SLC48A1: variants seen among roughly 807,000 people sequenced by gnomAD.
SLC48A1 encodes the protein heme transporter HRG1.
Under a neutral mutation model 14.8 loss-of-function variants are expected in SLC48A1, and 6 were observed. That is an observed-to-expected ratio of 0.41 (90% confidence interval 0.22 to 0.80). The LOEUF (loss-of-function observed/expected upper bound fraction) is 0.80, where lower values mean the gene tolerates loss of function less well. SLC48A1 is among the 30% of genes least tolerant of loss of function. The probability of loss-of-function intolerance (pLI) is 0.34; values close to 1 mark genes in which losing one functional copy is unlikely to be tolerated. For missense variants in SLC48A1, 165 were observed against 204.8 expected (o/e 0.81, Z 1.19); for synonymous variants, 89 against 90.0 (o/e 0.99, Z 0.06).
intron 2 of SLC48A1, among the ~76,000 whole-genome samples, chr12:47,764,561 A>T (rs1942469041): frequency 6.6e-6 from 1 of 152,056 alleles, no homozygotes; most frequent in African/African-American, 2.4e-5. Flanking sequence ...TGTCTCTCAG[A>T]CCTGGTCAGT....
At chr12:47,758,614 A>G in exon 1 of SLC48A1, 1 of 1,610,214 alleles carries the variant, frequency 6.2e-7, no homozygotes, top group Non-Finnish European at 8.5e-7. Flanking sequence ...GGGGGTCCCC[A>G]GCGACCCCCA....
In SLC48A1 at chr12:47,779,198, G is replaced by A. The variant is rs1942812580; in HGVS notation, c.304+3G>A. The A allele has an allele frequency of 5.8e-6, 9 of 1,550,496 alleles. No homozygotes were observed. Among genetic ancestry groups the A allele is most frequent in the Non-Finnish European group, 7.9e-6 (9 of 1,146,342 alleles). On this transcript the variant is annotated splice_donor_region_variant and intron_variant, in intron 2 of 2. Coordinates refer to ENST00000442218, the MANE Select transcript of SLC48A1 (RefSeq NM_017842.3). ...GCTGGCCATCACCCGGCATCAGAGT[G>A]AGGGCGGGTCCCAGGGAAAGAGGGC...
Position 47,779,141 on chromosome 12 carries a change from G to A in SLC48A1, c.250G>A (p.Val84Ile), listed in dbSNP as rs567316729. Residue 84 changes from valine to isoleucine, a missense_variant, in exon 2 of 3, where the codon GTC (valine) becomes ATC (isoleucine). Transcript: ENST00000442218. The part of the protein sequence containing the change: ...FFFVGVLFSA[V>I]SIAAFCTFLV... Reference sequence around the variant, plus strand: ...CTTCGTGGGCGTCCTCTTCTCGGCCGTCTCCATCGCTGCCTTCTGCACCTT... The same window carrying A: ...CTTCGTGGGCGTCCTCTTCTCGGCCATCTCCATCGCTGCCTTCTGCACCTT... The A allele has an allele frequency of 6.4e-5, 99 of 1,551,848 alleles. 1 individual carries two copies. In the Middle Eastern group the frequency reaches 1.8e-3, roughly 29 times the overall value.
At chr12:47,755,428 T>C (rs908622861), upstream of SLC48A1, among the ~76,000 whole-genome samples, 8 of 152,002 alleles carry the variant, frequency 5.3e-5, no homozygotes, top group Middle Eastern at 3.2e-3. Context: ...GTTCTCGGAG[T>C]TACAAAACAG....
chr12:47,755,133 G>A (rs1941977633), upstream of SLC48A1, among the ~76,000 whole-genome samples: 1 of 152,170 alleles, frequency 6.6e-6, no homozygotes, highest in South Asian at 2.1e-4. Flanking sequence ...GTGCAGCATG[G>A]TGGTTATGTG....
Position 47,780,322 on chromosome 12 carries a change from A to G in SLC48A1, c.*41A>G. The G allele has an allele frequency of 6.2e-7, 1 of 1,613,962 alleles. No individual in the cohort carries two copies. The highest frequency in any genetic ancestry group is 8.5e-7 in the Non-Finnish European group (1 of 1,179,906). ...CTCTGCACCCTGGGGGGGCCTTAGG[A>G]CCTGGACTCAGCCTCTGAGATGTTG... On this transcript the variant is annotated 3_prime_UTR_variant, in exon 3 of 3. Coordinates refer to ENST00000442218, the MANE Select transcript of SLC48A1 (RefSeq NM_017842.3).
chr12:47,759,587 G>A (rs902592293), intron 1 of SLC48A1, among the ~76,000 whole-genome samples: 1 of 141,258 alleles, frequency 7.1e-6, no homozygotes, highest in African/African-American at 2.6e-5. Flanking sequence ...TGGTGGCCGG[G>A]TAGGTTGAGG....
At chr12:47,755,468 G>A (rs1941998213), upstream of SLC48A1, among the ~76,000 whole-genome samples, 2 of 152,156 alleles carry the variant, frequency 1.3e-5, no homozygotes, top group Admixed American at 6.5e-5. Context: ...GTCACACAAA[G>A]AGAATCATCT....
upstream of SLC48A1, among the ~76,000 whole-genome samples, chr12:47,756,966 T>TAAA (rs112318307): frequency 7.2e-4 from 99 of 136,734 alleles, 1 homozygote; most frequent in African/African-American, 2.5e-3. Flanking sequence ...AGACTCTGGT[T>TAAA]AAAAAAAAAA....
In SLC48A1 at chr12:47,777,216, G is replaced by GGCCCACTCCA. The variant is rs1324517724; in HGVS notation, c.137-1809_137-1800dup. On this transcript the variant is annotated intron_variant, in intron 1 of 2. Transcript: ENST00000442218. This position sits in a 1 kb window ranked among gnomAD's most constrained non-coding sequence, Gnocchi z 4.5. ...CAGGATGATTGTCCTGTCCACCTCTGGCCCACTCCAGCATCCAGACTAGGT... is the reference window on the plus strand; with the variant it reads ...CAGGATGATTGTCCTGTCCACCTCTGGCCCACTCCAGCCCACTCCAGCATCCAGACTAGGT... Among the ~76,000 whole-genome samples, 1 of 152,194 alleles carries GGCCCACTCCA rather than the reference G, an allele frequency of 6.6e-6. No individual in the cohort carries two copies. The highest frequency in any genetic ancestry group is 1.5e-5 in the Non-Finnish European group (1 of 68,022).
At chr12:47,773,741 C>T (rs1236741885) in intron 1 of SLC48A1, among the ~76,000 whole-genome samples, 2 of 152,226 alleles carry the variant, frequency 1.3e-5, no homozygotes, top group African/African-American at 2.4e-5. Flanking sequence ...GCCTGTCGCC[C>T]TCCGCCCAGT....
chr12:47,763,794 A>T (rs751912810), intron 2 of SLC48A1, among the ~76,000 whole-genome samples: 1 of 152,220 alleles, frequency 6.6e-6, no homozygotes, highest in African/African-American at 2.4e-5. Context: ...TAGGAGGCCA[A>T]TGTGGGCAAG....
At chr12:47,760,598 T>G (rs12821281) in intron 2 of SLC48A1, among the ~76,000 whole-genome samples, 1 of 152,196 alleles carries the variant, frequency 6.6e-6, no homozygotes, top group Admixed American at 6.5e-5. Flanking sequence ...GACACTTGTA[T>G]ACATTTCAGC....
At chr12:47,761,340 A>C (rs760954725) in intron 2 of SLC48A1, among the ~76,000 whole-genome samples, 2 of 151,512 alleles carry the variant, frequency 1.3e-5, no homozygotes, top group Non-Finnish European at 2.9e-5. Context: ...CTTCAACACT[A>C]CTCTTGCCTT....
upstream of SLC48A1, chr12:47,773,151 G>A (rs907429940): frequency 2.1e-6 from 2 of 974,660 alleles, no homozygotes; most frequent in African/African-American, 3.5e-5. Flanking sequence ...CGGCCGGGGA[G>A]GGCGCTGTGC....
In SLC48A1 at chr12:47,780,344, G is replaced by T; in HGVS notation, c.*63G>T. ...AGGACCTGGACTCAGCCTCTGAGAT[G>T]TTGGGAGAGGCTACTCCCACCCCCT... On this transcript the variant is annotated 3_prime_UTR_variant, in exon 3 of 3. Transcript: ENST00000442218. 6.2e-7 allele frequency: 1 copy of T among 1,611,424 alleles called. No homozygotes were observed. Among genetic ancestry groups the T allele is most frequent in the Non-Finnish European group, 8.5e-7 (1 of 1,177,602 alleles).
At chr12:47,761,065 C>T (rs993486945) in intron 2 of SLC48A1, among the ~76,000 whole-genome samples, 2 of 152,006 alleles carry the variant, frequency 1.3e-5, no homozygotes, top group African/African-American at 4.8e-5. Flanking sequence ...GGCGTGGTGG[C>T]GTGCGCCTGG....
At chr12:47,772,739 C>G (rs947810952), upstream of SLC48A1, among the ~76,000 whole-genome samples, 1 of 151,376 alleles carries the variant, frequency 6.6e-6, no homozygotes, top group Non-Finnish European at 1.5e-5. Context: ...AGAATGTTTG[C>G]AGTCAGAAGG....
intron 2 of SLC48A1, among the ~76,000 whole-genome samples, chr12:47,766,346 C>T (rs1467525727): frequency 2.6e-5 from 4 of 152,132 alleles, no homozygotes; most frequent in Non-Finnish European, 5.9e-5. Context: ...TCACTCCTCA[C>T]AGTGCTGCAA....
Sources: gnomAD v4.1 joint callset for allele counts (sites outside exome capture counted in the v4.1 genomes callset) on GRCh38, gnomAD v4.1.1 for gene constraint, Gnocchi (gnomAD v3.1) non-coding constraint, MANE v1.5 for transcripts, NCBI Gene and HGNC (gene_info 2026-07-23, HGNC 2026-07-21) for gene names.